Variants in SULF1 observed in about 807,000 individuals in gnomAD.
SULF1 encodes sulfatase 1, also known as extracellular sulfatase Sulf-1.
A neutral mutation model predicts 110.5 loss-of-function variants in SULF1; 46 were observed. The observed-to-expected ratio is 0.42, with a 90% confidence interval of 0.33 to 0.53. SULF1 has a LOEUF of 0.53. Ranked by LOEUF, SULF1 falls within the 20% of genes least tolerant of loss-of-function variation. The pLI, the probability that SULF1 is intolerant of heterozygous loss-of-function variation, is 0.12. For missense variants in SULF1, 941 were observed against 1,094.2 expected (o/e 0.86, Z 1.98); for synonymous variants, 371 against 387.1 (o/e 0.96, Z 0.49).
At chr8:69,622,213 T>A (rs1303929774) in intron 14 of SULF1, among the ~76,000 whole-genome samples, 1 of 152,216 alleles carries the variant, frequency 6.6e-6, no homozygotes, top group African/African-American at 2.4e-5. Flanking sequence ...AATCTTTGAT[T>A]TGGGAGACTT....
intron 22 of SULF1, among the ~76,000 whole-genome samples, chr8:69,647,234 C>T (rs565867101): frequency 2.0e-5 from 3 of 150,630 alleles, no homozygotes; most frequent in Admixed American, 6.6e-5. Context: ...TGAGCCACTG[C>T]GCCTGGCTGA....
At chr8:69,634,005 T>C (rs1015769843) in intron 19 of SULF1, among the ~76,000 whole-genome samples, 1 of 152,206 alleles carries the variant, frequency 6.6e-6, no homozygotes, top group South Asian at 2.1e-4. Flanking sequence ...TGTATGTAGA[T>C]GTGAGATAAA....
At chr8:69,483,688 C>T (rs1374600721) in intron 1 of SULF1, among the ~76,000 whole-genome samples, 1 of 152,136 alleles carries the variant, frequency 6.6e-6, no homozygotes, top group Non-Finnish European at 1.5e-5. Flanking sequence ...AATCAAGAGG[C>T]TGAGGCAGGA....
At chr8:69,583,003 C>T (rs1806185532) in intron 6 of SULF1, among the ~76,000 whole-genome samples, 1 of 152,170 alleles carries the variant, frequency 6.6e-6, no homozygotes, top group African/African-American at 2.4e-5. Context: ...ATGTGAGACC[C>T]TTTGACACTT....
intron 14 of SULF1, among the ~76,000 whole-genome samples, chr8:69,622,117 GT>G (rs1419865146): frequency 6.6e-6 from 1 of 152,180 alleles, no homozygotes; most frequent in Non-Finnish European, 1.5e-5. Flanking sequence ...CAAAATTGTT[GT>G]GTTTTCCATG....
intron 22 of SULF1, among the ~76,000 whole-genome samples, chr8:69,655,884 A>AT: frequency 6.6e-6 from 1 of 152,174 alleles, no homozygotes; most frequent in East Asian, 1.9e-4. Flanking sequence ...TGCATATATT[A>AT]TTTTTTCACA....
At chr8:69,493,607 T>C (rs1586216795) in intron 1 of SULF1, among the ~76,000 whole-genome samples, 1 of 152,214 alleles carries the variant, frequency 6.6e-6, no homozygotes, top group East Asian at 1.9e-4. Flanking sequence ...TCAGTTGTAA[T>C]TGTTGAAAGT....
chr8:69,474,927 C>G (rs938333348), intron 1 of SULF1, among the ~76,000 whole-genome samples: 2 of 152,104 alleles, frequency 1.3e-5, no homozygotes, highest in African/African-American at 4.8e-5. Context: ...CATTTTTGTT[C>G]CAAGATGGCA....
At chr8:69,602,832 T>C (rs989376289) in intron 10 of SULF1, among the ~76,000 whole-genome samples, 2 of 152,226 alleles carry the variant, frequency 1.3e-5, no homozygotes, top group African/African-American at 4.8e-5. Context: ...ACATCCTTTT[T>C]TAAAATATTG....
Position 69,659,052 on chromosome 8 carries a change from G to T in SULF1, c.*517G>T, listed in dbSNP as rs534643919. ...ATGGCATGACAGAGCTAGAGCTCGGGCCCAGCCCCAGGCTGCAGCCCATTC... is the reference window on the plus strand; with the variant it reads ...ATGGCATGACAGAGCTAGAGCTCGGTCCCAGCCCCAGGCTGCAGCCCATTC... On this transcript the variant is annotated 3_prime_UTR_variant, in exon 23 of 23. Transcript: ENST00000402687. 1 of 456,954 alleles carries T rather than the reference G, an allele frequency of 2.2e-6. No individual in the cohort carries two copies. 28.3% of individuals were successfully genotyped at this position (456,954 alleles called of 1,614,324 possible).
intron 13 of SULF1, among the ~76,000 whole-genome samples, chr8:69,611,938 G>C (rs1242453034): frequency 6.6e-6 from 1 of 151,988 alleles, no homozygotes; most frequent in Non-Finnish European, 1.5e-5. Context: ...AGATTTTAGT[G>C]CACCCATCAC....
rs557059806 is a variant in SULF1, at chr8:69,576,036, C to T, written c.239C>T (p.Ala80Val). 1.2e-6 allele frequency: 2 copies of T among 1,614,162 alleles called. No individual in the cohort carries two copies. Among genetic ancestry groups the T allele is most frequent in the South Asian group, 1.1e-5 (1 of 91,070 alleles). Residue 80 changes from alanine to valine, a missense_variant, in exon 6 of 23, where the codon GCC becomes GTC. This residue lies in a region of SULF1 where 822 missense variants were observed against 934.3 expected (regional missense o/e 0.88). Coordinates refer to ENST00000402687, the MANE Select transcript of SULF1 (RefSeq NM_001128205.2). ...CATGGGGGGGCCACCTTCATCAATG[C>T]CTTTGTGACTACACCCATGTGCTGC... ...MEHGGATFIN[A>V]FVTTPMCCPS... is the part of the protein sequence containing the mutation.
chr8:69,633,770 C>A (rs1810765012), intron 19 of SULF1, among the ~76,000 whole-genome samples: 1 of 151,928 alleles, frequency 6.6e-6, no homozygotes, highest in African/African-American at 2.4e-5. Flanking sequence ...ACCCATCAAC[C>A]CGTCATCTAC....
intron 3 of SULF1, among the ~76,000 whole-genome samples, chr8:69,529,387 G>A (rs12680297): frequency 0.07 from 10,617 of 152,090 alleles, 825 homozygotes; most frequent in East Asian, 0.41. Flanking sequence ...CTCTAACTAC[G>A]ACCTCTAACT....
At chr8:69,467,953 G>A (rs1480859633) in intron 1 of SULF1, among the ~76,000 whole-genome samples, 2 of 151,746 alleles carry the variant, frequency 1.3e-5, no homozygotes, top group East Asian at 3.9e-4. Flanking sequence ...ATAAATATAA[G>A]AAGGGGGTTT....
intron 3 of SULF1, among the ~76,000 whole-genome samples, chr8:69,543,234 A>C (rs576049394): frequency 6.6e-6 from 1 of 152,110 alleles, no homozygotes; most frequent in Non-Finnish European, 1.5e-5. Context: ...ATTTCTTTTA[A>C]ATTCCAGGGT....
intron 3 of SULF1, among the ~76,000 whole-genome samples, chr8:69,525,617 C>A (rs1812604526): frequency 6.6e-6 from 1 of 152,162 alleles, no homozygotes; most frequent in African/African-American, 2.4e-5. Context: ...ATAAAAATTG[C>A]AATAAACCTC....
chr8:69,533,469 G>A (rs1347169331), intron 3 of SULF1, among the ~76,000 whole-genome samples: 1 of 151,946 alleles, frequency 6.6e-6, no homozygotes, highest in Non-Finnish European at 1.5e-5. Flanking sequence ...TGTTCTCATT[G>A]TTCAGCTCCC....
At chr8:69,578,529 G>C (rs1256102034) in intron 6 of SULF1, among the ~76,000 whole-genome samples, 1 of 113,704 alleles carries the variant, frequency 8.8e-6, no homozygotes, top group African/African-American at 3.6e-5. Context: ...ACTGACTGAC[G>C]TTCCAATGGG....
Sources: allele counts gnomAD v4.1 joint callset (sites outside exome capture counted in the v4.1 genomes callset), GRCh38; gene constraint gnomAD v4.1.1; regional missense constraint gnomAD v4.1.1; transcripts MANE v1.5; gene names NCBI Gene and HGNC (gene_info 2026-07-23, HGNC 2026-07-21).